The following TRAPPC9 variants were observed in gnomAD, a reference collection of about 807,000 sequenced individuals.
TRAPPC9 encodes the protein IKK2 binding protein.
A neutral mutation model predicts 124.0 loss-of-function variants in TRAPPC9; 83 were observed. That is an observed-to-expected ratio of 0.67 (90% CI 0.56 to 0.80). TRAPPC9 has a LOEUF of 0.80. Among genes scored for constraint, TRAPPC9 ranks in the 30% least tolerant of loss-of-function variants. The probability of loss-of-function intolerance (pLI) is 0.00; values close to 1 mark genes in which losing one functional copy is unlikely to be tolerated. For missense variants in TRAPPC9, 1,302 were observed against 1,508.3 expected, an observed-to-expected ratio of 0.86 and a Z score of 2.27; for synonymous variants, 638 against 617.5, an observed-to-expected ratio of 1.03 and a Z score of -0.49.
intron 21 of TRAPPC9, among the ~76,000 whole-genome samples, chr8:139,830,551 C>T (rs1348821698): frequency 6.6e-6 from 1 of 151,666 alleles, no homozygotes; most frequent in Non-Finnish European, 1.5e-5. Context: ...CACAAACGAG[C>T]AAGCACATGC....
intron 17 of TRAPPC9, among the ~76,000 whole-genome samples, chr8:140,170,584 G>T (rs192772096): frequency 8.1e-4 from 123 of 152,262 alleles, no homozygotes; most frequent in African/African-American, 2.8e-3. Flanking sequence ...TCCCACTCTG[G>T]TCTATAACAG....
chr8:139,860,120 C>T (rs553641610), intron 21 of TRAPPC9, among the ~76,000 whole-genome samples: 7 of 152,302 alleles, frequency 4.6e-5, no homozygotes, highest in Admixed American at 2.0e-4. Flanking sequence ...ATCCAGTAGC[C>T]GGACAGATGT....
intron 17 of TRAPPC9, among the ~76,000 whole-genome samples, chr8:140,147,112 T>C (rs183391157): frequency 1.3e-4 from 20 of 152,352 alleles, no homozygotes; most frequent in African/African-American, 4.8e-4. Flanking sequence ...TTTCATATTT[T>C]ACTCTACCCT....
intron 17 of TRAPPC9, among the ~76,000 whole-genome samples, chr8:140,128,092 C>A (rs774511076): frequency 1.3e-5 from 2 of 152,192 alleles, no homozygotes; most frequent in Non-Finnish European, 2.9e-5. Flanking sequence ...ATGGCATATA[C>A]AAAAGTTAGA....
At chr8:139,898,500 T>C (rs1432925488) in intron 20 of TRAPPC9, among the ~76,000 whole-genome samples, 1 of 152,176 alleles carries the variant, frequency 6.6e-6, no homozygotes, top group African/African-American at 2.4e-5. Context: ...TATCAGCGAA[T>C]GTCCACCCAC....
At chr8:140,450,766 GC>G (rs2071425417) in intron 2 of TRAPPC9, 23 bp downstream of exon 2, 1 of 1,571,786 alleles carries the variant, frequency 6.4e-7, no homozygotes, top group East Asian at 2.3e-5. Flanking sequence ...AAGCCAAGGG[GC>G]CTGGGTCTCT....
chr8:140,276,259 C>A (rs1175677450), intron 14 of TRAPPC9, among the ~76,000 whole-genome samples: 1 of 152,208 alleles, frequency 6.6e-6, no homozygotes, highest in Non-Finnish European at 1.5e-5. Flanking sequence ...GTATACCAAC[C>A]ATTCCAGCTG....
At chr8:140,343,641 G>A (rs1436557636) in intron 9 of TRAPPC9, among the ~76,000 whole-genome samples, 1 of 152,160 alleles carries the variant, frequency 6.6e-6, no homozygotes, top group Non-Finnish European at 1.5e-5. Flanking sequence ...GAAGCCCTTA[G>A]TTAAAAATAC....
chr8:140,139,022 G>A (rs917287162), intron 17 of TRAPPC9, among the ~76,000 whole-genome samples: 23 of 152,124 alleles, frequency 1.5e-4, no homozygotes, highest in Admixed American at 9.2e-4. Flanking sequence ...AGTAGGCCAC[G>A]CACGATACCT....
chr8:139,912,326 G>A (rs34443182), intron 19 of TRAPPC9, among the ~76,000 whole-genome samples: 15,685 of 152,038 alleles, frequency 0.1, 924 homozygotes, highest in Admixed American at 0.17. Context: ...TTTTCCCATC[G>A]CTAAAAATTA....
At chr8:140,270,262 C>G (rs114320654) in intron 15 of TRAPPC9, among the ~76,000 whole-genome samples, 1 of 152,196 alleles carries the variant, frequency 6.6e-6, no homozygotes, top group Non-Finnish European at 1.5e-5. Context: ...CTGCACAGAG[C>G]AGGCGTGGAG....
chr8:140,422,786 A>C (rs1209855289), intron 5 of TRAPPC9, among the ~76,000 whole-genome samples: 1 of 151,830 alleles, frequency 6.6e-6, no homozygotes, highest in East Asian at 1.9e-4. Context: ...ACAACTCAAC[A>C]ATAAAAAGAC....
At chr8:139,997,299 C>A (rs1284231052) in intron 18 of TRAPPC9, among the ~76,000 whole-genome samples, 1 of 151,272 alleles carries the variant, frequency 6.6e-6, no homozygotes, top group Non-Finnish European at 1.5e-5. Flanking sequence ...ACAGAGAAGA[C>A]AATGCATCCT....
chr8:140,109,002 C>A (rs1005997661), intron 17 of TRAPPC9, among the ~76,000 whole-genome samples: 1 of 152,076 alleles, frequency 6.6e-6, no homozygotes, highest in Non-Finnish European at 1.5e-5. Context: ...TTCCAAAAAC[C>A]AAAACAGAGG....
intron 17 of TRAPPC9, among the ~76,000 whole-genome samples, chr8:140,185,597 C>T (rs1016378214): frequency 8.5e-5 from 13 of 152,178 alleles, no homozygotes; most frequent in Non-Finnish European, 1.6e-4. Context: ...ACGGAGAAGA[C>T]GGAGTTCTGG....
At chr8:140,041,234 T>A (rs1841258517) in intron 17 of TRAPPC9, among the ~76,000 whole-genome samples, 1 of 152,172 alleles carries the variant, frequency 6.6e-6, no homozygotes. Context: ...GAATCATGTA[T>A]AATCAATACC....
At chr8:139,915,443 C>T (rs185391297) in intron 19 of TRAPPC9, among the ~76,000 whole-genome samples, 8 of 152,252 alleles carry the variant, frequency 5.3e-5, no homozygotes, top group Admixed American at 2.6e-4. Context: ...GATGGGGTTT[C>T]ACCATGTTGC....
intron 18 of TRAPPC9, among the ~76,000 whole-genome samples, chr8:140,010,469 T>C (rs942003865): frequency 2.6e-5 from 4 of 152,220 alleles, no homozygotes; most frequent in Admixed American, 6.5e-5. Context: ...GGTTAAAATA[T>C]ACGGCACACA....
At chr8:140,351,367 C>A (rs1272709883) in intron 9 of TRAPPC9, among the ~76,000 whole-genome samples, 1 of 143,794 alleles carries the variant, frequency 7.0e-6, no homozygotes, top group Non-Finnish European at 1.5e-5. Context: ...CTGTGCTGAA[C>A]GTGTGTAGTT....
Sources: allele counts gnomAD v4.1 joint callset (sites outside exome capture counted in the v4.1 genomes callset), GRCh38; gene constraint gnomAD v4.1.1; transcripts MANE v1.5; gene names NCBI Gene and HGNC (gene_info 2026-07-23, HGNC 2026-07-21).